The following ATAT1 variants were observed in gnomAD, a reference collection of about 807,000 sequenced individuals.
The protein encoded by ATAT1 is alpha tubulin acetyltransferase 1.
Under a neutral mutation model 57.2 loss-of-function variants are expected in ATAT1, and 42 were observed. The observed-to-expected ratio is 0.73, with a 90% confidence interval of 0.57 to 0.95. The LOEUF (loss-of-function observed/expected upper bound fraction) is 0.95. Among genes scored for constraint, ATAT1 ranks in the 40% least tolerant of loss-of-function variants. The probability of loss-of-function intolerance (pLI) is 0.00; values close to 1 mark genes in which losing one functional copy is unlikely to be tolerated. For synonymous variants in ATAT1, 168 were observed against 187.1 expected, an observed-to-expected ratio of 0.90 and a Z score of 0.83; for missense variants, 454 against 523.7, an observed-to-expected ratio of 0.87 and a Z score of 1.30.
At chr6:30,638,167 G>A (rs956724540) in intron 6 of ATAT1, among the ~76,000 whole-genome samples, 2 of 151,840 alleles carry the variant, frequency 1.3e-5, no homozygotes, top group African/African-American at 2.4e-5. Flanking sequence ...TTGAGCCACT[G>A]GGCCCGGCCC....
Position 30,645,950 on chromosome 6 carries a change from G to T in ATAT1, c.988G>T (p.Val330Leu). The T allele has an allele frequency of 1.3e-6, 2 of 1,542,984 alleles. No individual in the cohort carries two copies. Among genetic ancestry groups the T allele is most frequent in the South Asian group, 1.3e-5 (1 of 79,768 alleles). ...CTGCTGCTACAGCCGCCATGGGGGG[G>T]TGAATTCCTCATCCCCCAATACAGG... Residue 330 changes from valine to leucine, a missense_variant, in exon 11 of 13, where the codon GTG (valine) becomes TTG (leucine). Transcript: ENST00000330083.
chr6:30,644,063 C>T (rs547130161), intron 10 of ATAT1: 1 of 989,284 alleles, frequency 1.0e-6, no homozygotes, highest in South Asian at 4.7e-5. Flanking sequence ...CGCTAGTGAG[C>T]AAGCTCTGCT....
At chr6:30,639,388 T>C (rs1225111988) in intron 6 of ATAT1, among the ~76,000 whole-genome samples, 1 of 152,048 alleles carries the variant, frequency 6.6e-6, no homozygotes, top group African/African-American at 2.4e-5. Context: ...GTTCTGAGAG[T>C]TTTTCATATA....
At position 30,627,214 on chromosome 6, in the gene ATAT1, C is replaced by T. The variant is rs1301555692; in HGVS notation, c.11C>T (p.Thr4Ile). ...TGTCCCAATCAAAGGATGTGGTTGA[C>T]CTGGCCTTTCTGCTTCCTCACAATA... Residue 4 changes from threonine (T) to isoleucine (I), a missense_variant, in exon 1 of 13, where the codon ACC becomes ATC. Around this residue, in one of 3 missense-constraint regions of ATAT1, gnomAD observed 236 missense variants for 284.5 expected, o/e 0.83. Transcript: ENST00000330083. The T allele has an allele frequency of 6.2e-7, 1 of 1,613,844 alleles. No individual in the cohort carries two copies. The highest frequency in any genetic ancestry group is 8.5e-7 in the Non-Finnish European group (1 of 1,179,888).
chr6:30,634,169 T>A (rs1182344286), intron 6 of ATAT1, among the ~76,000 whole-genome samples: 1 of 152,174 alleles, frequency 6.6e-6, no homozygotes, highest in Non-Finnish European at 1.5e-5. Flanking sequence ...ACTTCCAAGG[T>A]CTTGCTCTTT....
At chr6:30,643,199 T>C (rs1368404336) in intron 10 of ATAT1, 188 bp downstream of exon 10, 2 of 1,439,268 alleles carry the variant, frequency 1.4e-6, no homozygotes, top group Non-Finnish European at 1.8e-6. Flanking sequence ...AGGAGCAGAA[T>C]AGGACCTTAT....
intron 6 of ATAT1, among the ~76,000 whole-genome samples, chr6:30,632,659 C>T (rs763035669): frequency 1.5e-4 from 23 of 152,068 alleles, no homozygotes; most frequent in African/African-American, 5.1e-4. Flanking sequence ...AGGCAATAGC[C>T]GGGCACAGTG....
chr6:30,638,956 C>T (rs527766743), intron 6 of ATAT1, among the ~76,000 whole-genome samples: 11 of 152,240 alleles, frequency 7.2e-5, no homozygotes, highest in Admixed American at 3.9e-4. Flanking sequence ...TTTCCCCACC[C>T]CTTGGAACCC....
rs577630829 is a variant in ATAT1, at chr6:30,640,264, G to A, written c.502-113G>A. On this transcript the variant is annotated intron_variant, in intron 6 of 12. Coordinates refer to ENST00000330083, the MANE Select transcript of ATAT1 (RefSeq NM_001031722.4). ...TGTAGGCTATAGTGTCTAGGTTTGT[G>A]TAAGTACACTCTGTGATGTTCACAC... The A allele has an allele frequency of 5.1e-6, 6 of 1,180,010 alleles. No individual in the cohort carries two copies. The African/African-American group carries it at 7.5e-5, about 15-fold the overall frequency. 73.1% of individuals were successfully genotyped at this position (1,180,010 alleles called of 1,614,324 possible).
chr6:30,640,171 G>A (rs1765101685), intron 6 of ATAT1, among the ~76,000 whole-genome samples: 1 of 151,918 alleles, frequency 6.6e-6, no homozygotes, highest in Admixed American at 6.6e-5. Context: ...ACAGCATTCA[G>A]TACAGTAACA....
In ATAT1 at chr6:30,627,738, C is replaced by A; in HGVS notation, c.224+11C>A. The A allele has an allele frequency of 6.2e-7, 1 of 1,610,120 alleles. No individual in the cohort carries two copies. Among genetic ancestry groups the A allele is most frequent in the Non-Finnish European group, 8.5e-7 (1 of 1,177,340 alleles). On this transcript the variant is annotated intron_variant, in intron 3 of 12. Transcript: ENST00000330083. ...CAGTTCAGCCCGACCGTGAGTGCCA[C>A]ATGCTCTTCCATCCCATACTTAATT... is the stretch of plus-strand genomic sequence containing the variant.
intron 10 of ATAT1, chr6:30,644,116 C>G: frequency 1.0e-6 from 1 of 986,266 alleles, no homozygotes; most frequent in Non-Finnish European, 1.2e-6. Context: ...TACCAGCTTC[C>G]CAAAGGGATC....
In ATAT1 at chr6:30,627,621, T is replaced by TA. The variant is rs768085566; in HGVS notation, c.133-13dup. 6.2e-7 allele frequency: 1 copy of TA among 1,612,466 alleles called. No homozygotes were observed. Among genetic ancestry groups the TA allele is most frequent in the East Asian group, 2.2e-5 (1 of 44,880 alleles). Reference sequence around the variant, plus strand: ...GGAGAGACTTGCAGAAAGTCTGACTTAATCTTCCCTGCAGGCCCAGAATCT... The same window carrying TA: ...GGAGAGACTTGCAGAAAGTCTGACTTAAATCTTCCCTGCAGGCCCAGAATCT... On this transcript the variant is annotated splice_polypyrimidine_tract_variant and intron_variant, in intron 2 of 12. Coordinates refer to ENST00000330083, the MANE Select transcript of ATAT1 (RefSeq NM_001031722.4).
In ATAT1 at chr6:30,626,952, A is replaced by G. The variant is rs1289989867; in HGVS notation, c.-252A>G. On this transcript the variant is annotated 5_prime_UTR_variant, in exon 1 of 13. Transcript: ENST00000330083. ...GATCACGGTGCTGGACCAGCACCTG[A>G]GGCCCCCAGCCCGCCGACCCGGAAC... is the stretch of plus-strand genomic sequence containing the variant. The G allele has an allele frequency of 4.1e-5, 66 of 1,607,730 alleles. No homozygotes were observed. Among genetic ancestry groups the G allele is most frequent in the Non-Finnish European group, 5.4e-5 (64 of 1,177,836 alleles).
intron 10 of ATAT1, chr6:30,644,656 A>C: frequency 1.0e-6 from 1 of 982,450 alleles, no homozygotes; most frequent in Non-Finnish European, 1.2e-6. Flanking sequence ...ATTTTCAATG[A>C]AAAAAAGAAT....
chr6:30,642,833 G>GCCCTCC lies in ATAT1; in HGVS notation c.757_758insTCCCCC (p.Ala252_His253insLeuPro). The stretch of plus-strand genomic sequence containing the variant: ...GGCCCCTCGCCGCGCCACACCTCCA[G>GCCCTCC]CCCACCCACCCCCCCGCTCCAGCAG... On this transcript the variant is annotated inframe_insertion, in exon 10 of 13. Coordinates refer to ENST00000330083, the MANE Select transcript of ATAT1 (RefSeq NM_001031722.4). 1 of 1,537,878 alleles carries GCCCTCC rather than the reference G, an allele frequency of 6.5e-7. No individual in the cohort carries two copies. The highest frequency in any genetic ancestry group is 1.2e-5 in the South Asian group (1 of 86,358).
chr6:30,635,678 C>G (rs992798389), intron 6 of ATAT1, among the ~76,000 whole-genome samples: 1 of 151,860 alleles, frequency 6.6e-6, no homozygotes, highest in African/African-American at 2.4e-5. Flanking sequence ...GAATGGTTTA[C>G]TTGGTCAAAT....
chr6:30,645,220 T>A (rs909702035), intron 10 of ATAT1, among the ~76,000 whole-genome samples: 11 of 123,992 alleles, frequency 8.9e-5, no homozygotes, highest in Non-Finnish European at 1.8e-4. Context: ...CTAAGGAATC[T>A]TTTTTTTTTT....
rs765894459 is a variant in ATAT1 at position 30,640,534 on chromosome 6, G to A, written c.548-1G>A. On this transcript the variant is annotated splice_acceptor_variant, in intron 7 of 12. Transcript: ENST00000330083. LOFTEE classifies it high-confidence loss of function. ...GGGCCCCGCCGCTTCCTTCCTCACA[G>A]GGCCCCCTGCTCCCTCTCTGAGGGC... 4 of 1,612,870 alleles carry A rather than the reference G, an allele frequency of 2.5e-6. No homozygotes were observed. The highest frequency in any genetic ancestry group is 1.3e-5 in the African/African-American group (1 of 74,884).
Sources: allele counts gnomAD v4.1 joint callset (sites outside exome capture counted in the v4.1 genomes callset), GRCh38; gene constraint gnomAD v4.1.1; regional missense constraint gnomAD v4.1.1; transcripts MANE v1.5; gene names NCBI Gene and HGNC (gene_info 2026-07-23, HGNC 2026-07-21).